CSNK1G3: variants seen among roughly 807,000 people sequenced by gnomAD.
The protein encoded by CSNK1G3 is casein kinase I isoform gamma-3.
Under a neutral mutation model 64.3 loss-of-function variants are expected in CSNK1G3, and 23 were observed. That is an observed-to-expected ratio of 0.36 (90% CI 0.26 to 0.51). The LOEUF (loss-of-function observed/expected upper bound fraction) is 0.51, where lower values mean the gene tolerates loss of function less well. CSNK1G3 is among the 20% of genes least tolerant of loss of function. The pLI is 0.96. For synonymous variants in CSNK1G3, 158 were observed against 162.2 expected (o/e 0.97, Z 0.20); for missense variants, 357 against 510.5 (o/e 0.70, Z 2.90).
chr5:123,577,511 T>C (rs1192482679), intron 6 of CSNK1G3, among the ~76,000 whole-genome samples: 1 of 151,638 alleles, frequency 6.6e-6, no homozygotes, highest in Non-Finnish European at 1.5e-5. Flanking sequence ...AGTATTTCCC[T>C]TTTCTATATT....
At chr5:123,590,431 G>A (rs372222434) in exon 9 of CSNK1G3, 20 of 1,476,230 alleles carry the variant, frequency 1.4e-5, no homozygotes, top group South Asian at 1.1e-4. Context: ...ACATATCTTC[G>A]TTATGTAAGA....
exon 13 of CSNK1G3, chr5:123,615,593 G>GAAC (rs149017033): frequency 0.37 from 55,617 of 150,916 alleles, 11,238 homozygotes; most frequent in East Asian, 0.65. Flanking sequence ...GCCTGCATAT[G>GAAC]AACAACAACA....
At chr5:123,554,074 A>G (rs1227480531) in intron 3 of CSNK1G3, among the ~76,000 whole-genome samples, 1 of 152,202 alleles carries the variant, frequency 6.6e-6, no homozygotes, top group Non-Finnish European at 1.5e-5. Flanking sequence ...TTAGGAGAAG[A>G]GGCAAATGGG....
chr5:123,518,353 C>T (rs568508543), intron 1 of CSNK1G3, among the ~76,000 whole-genome samples: 1 of 152,174 alleles, frequency 6.6e-6, no homozygotes, highest in South Asian at 2.1e-4. Context: ...TGCTGAATTA[C>T]AGTAGATGCT....
chr5:123,523,362 G>C (rs372619097), intron 1 of CSNK1G3, among the ~76,000 whole-genome samples: 2 of 152,038 alleles, frequency 1.3e-5, no homozygotes, highest in African/African-American at 2.4e-5. Flanking sequence ...ACAAAATTAG[G>C]GTCCTTTTAG....
At chr5:123,530,240 G>A (rs183519273) in intron 1 of CSNK1G3, among the ~76,000 whole-genome samples, 1 of 152,142 alleles carries the variant, frequency 6.6e-6, no homozygotes, top group East Asian at 1.9e-4. Flanking sequence ...CCTATGAAAC[G>A]GTCGTATTGT....
At chr5:123,565,738 A>G (rs531381781) in intron 4 of CSNK1G3, among the ~76,000 whole-genome samples, 1 of 152,312 alleles carries the variant, frequency 6.6e-6, no homozygotes, top group Non-Finnish European at 1.5e-5. Flanking sequence ...GTGTACAATC[A>G]TGGCAGAAGG....
intron 12 of CSNK1G3, among the ~76,000 whole-genome samples, chr5:123,610,630 TA>T (rs1403011895): frequency 1.3e-5 from 2 of 152,218 alleles, no homozygotes; most frequent in African/African-American, 4.8e-5. Context: ...GTTTGTTGCC[TA>T]ATTGTATTTA....
chr5:123,514,117 G>A (rs929184132), intron 1 of CSNK1G3, among the ~76,000 whole-genome samples: 1 of 152,322 alleles, frequency 6.6e-6, no homozygotes, highest in African/African-American at 2.4e-5. Flanking sequence ...TCTGCTTTAT[G>A]TGAACTGGCA....
At chr5:123,584,372 G>A (rs887647985) in intron 6 of CSNK1G3, among the ~76,000 whole-genome samples, 3 of 152,172 alleles carry the variant, frequency 2.0e-5, no homozygotes, top group Middle Eastern at 3.4e-3. Flanking sequence ...TCATTAATAC[G>A]TGTTGGATTT....
At chr5:123,531,206 C>T (rs918104140) in intron 1 of CSNK1G3, among the ~76,000 whole-genome samples, 1 of 152,018 alleles carries the variant, frequency 6.6e-6, no homozygotes, top group African/African-American at 2.4e-5. Context: ...TAAATTTATA[C>T]TTGTAAACAA....
At chr5:123,526,210 T>G (rs1779038492) in intron 1 of CSNK1G3, among the ~76,000 whole-genome samples, 1 of 151,574 alleles carries the variant, frequency 6.6e-6, no homozygotes, top group South Asian at 2.1e-4. Context: ...ACTAATTTAA[T>G]TTAATTTATT....
intron 1 of CSNK1G3, among the ~76,000 whole-genome samples, chr5:123,527,636 A>G (rs1283113850): frequency 6.6e-6 from 1 of 152,188 alleles, no homozygotes; most frequent in African/African-American, 2.4e-5. Context: ...TCTATGTATT[A>G]GTAGTTATAT....
intron 1 of CSNK1G3, among the ~76,000 whole-genome samples, chr5:123,519,514 A>C (rs1051847648): frequency 6.6e-6 from 1 of 152,188 alleles, no homozygotes; most frequent in Non-Finnish European, 1.5e-5. Flanking sequence ...AAACTTGTTT[A>C]AATTTTTTTT....
At chr5:123,539,992 T>C (rs1781428390) in intron 1 of CSNK1G3, among the ~76,000 whole-genome samples, 1 of 152,178 alleles carries the variant, frequency 6.6e-6, no homozygotes. Context: ...TTCATTGTTC[T>C]TATTGGTAAT....
chr5:123,532,122 T>C (rs1188287480), intron 1 of CSNK1G3, among the ~76,000 whole-genome samples: 1 of 151,878 alleles, frequency 6.6e-6, no homozygotes, highest in Non-Finnish European at 1.5e-5. Context: ...AAGGTATTTT[T>C]AGCAACGGGT....
chr5:123,584,839 A>C (rs914031196), intron 6 of CSNK1G3, among the ~76,000 whole-genome samples: 8 of 152,210 alleles, frequency 5.3e-5, no homozygotes, highest in African/African-American at 1.9e-4. Flanking sequence ...ATTTCATGTA[A>C]GTTGTTTAAT....
chr5:123,560,753 T>C (rs7447793), intron 4 of CSNK1G3, among the ~76,000 whole-genome samples: 91,754 of 151,984 alleles, frequency 0.6, 28,960 homozygotes, highest in African/African-American at 0.79. Flanking sequence ...TAACATGAGG[T>C]TGGAATAGTC....
chr5:123,552,649 A>G (rs1581083766), intron 2 of CSNK1G3, among the ~76,000 whole-genome samples: 6 of 145,422 alleles, frequency 4.1e-5, no homozygotes, highest in Admixed American at 4.0e-4. Flanking sequence ...TTTTATGTTT[A>G]TTTAATATAC....
Sources: gnomAD v4.1 joint callset for allele counts (sites outside exome capture counted in the v4.1 genomes callset) on GRCh38, gnomAD v4.1.1 for gene constraint, MANE v1.5 for transcripts, NCBI Gene and HGNC (gene_info 2026-07-23, HGNC 2026-07-21) for gene names.